The following PLA2G4F variants were observed in gnomAD, a reference collection of about 807,000 sequenced individuals.
PLA2G4F encodes the protein phospholipase A2 group IVF, also known as cytosolic phospholipase A2 zeta.
In PLA2G4F, 105 loss-of-function variants were observed where a neutral mutation model predicts 103.1. That is an observed-to-expected ratio of 1.02 (90% CI 0.87 to 1.20). The LOEUF is 1.20. Among genes scored for constraint, PLA2G4F ranks in the 50% most tolerant of loss-of-function variants. The pLI, the probability that PLA2G4F is intolerant of heterozygous loss-of-function variation, is 0.00. For missense variants in PLA2G4F, 1,155 were observed against 1,075.9 expected, an observed-to-expected ratio of 1.07 and a Z score of -1.03; for synonymous variants, 468 against 441.1, an observed-to-expected ratio of 1.06 and a Z score of -0.76.
Position 42,150,647 on chromosome 15 carries a change from C to T in PLA2G4F, c.732G>A (p.Arg244=). The T allele has an allele frequency of 6.2e-7, 1 of 1,613,344 alleles. No homozygotes were observed. Among genetic ancestry groups the T allele is most frequent in the Non-Finnish European group, 8.5e-7 (1 of 1,179,676 alleles). ...GCAGCTCCATCAGCTCCACGTGTAG[C>T]CTGGAGCTCAGCACTGGGTTCACGT... ...TFHVNPVLSS[R]LHVELMELLA... Residue 244 remains arginine (R), a synonymous_variant, in exon 8 of 20, where the codon AGG becomes AGA. Coordinates refer to ENST00000397272, the MANE Select transcript of PLA2G4F (RefSeq NM_213600.4).
Position 42,143,971 on chromosome 15 carries a change from A to G in PLA2G4F, c.2142+7T>C, listed in dbSNP as rs1159019490. On this transcript the variant is annotated splice_region_variant and intron_variant, in intron 18 of 19. Coordinates refer to ENST00000397272, the MANE Select transcript of PLA2G4F (RefSeq NM_213600.4). ...GGTGCTCCCCACATCCCTGCCTCCCAGCTCACCTCAAAAGGGGCTTCCAAG... is the reference window on the plus strand; with the variant it reads ...GGTGCTCCCCACATCCCTGCCTCCCGGCTCACCTCAAAAGGGGCTTCCAAG... 2 of 1,591,838 alleles carry G rather than the reference A, an allele frequency of 1.3e-6. No individual in the cohort carries two copies. Among genetic ancestry groups the G allele is most frequent in the African/African-American group, 1.3e-5 (1 of 74,366 alleles).
rs546979929 is a variant in PLA2G4F, at chr15:42,141,534, G to C, written c.*450C>G. 5.5e-5 allele frequency: 25 copies of C among 452,356 alleles called. No individual in the cohort carries two copies. Among genetic ancestry groups the C allele is most frequent in the Non-Finnish European group, 1.0e-4 (23 of 225,554 alleles). The allele number at this position is 452,356 out of a possible 1,614,324, so 28.0% of individuals were successfully genotyped here. ...TCGAGGTGGGGTTGGGGCTTGGGCC[G>C]CTCTGCAGGAAGTGTGGATGGATGC... On this transcript the variant is annotated 3_prime_UTR_variant, in exon 20 of 20. Transcript: ENST00000397272.
At chr15:42,155,684 G>T in intron 1 of PLA2G4F, 95 bp from the exon 2 acceptor site, 3 of 1,268,414 alleles carry the variant, frequency 2.4e-6, no homozygotes, top group Non-Finnish European at 3.4e-6. Flanking sequence ...CAGCAACCTG[G>T]CATAGGGTCA....
At chr15:42,153,427 C>T in intron 5 of PLA2G4F, 85 bp from the exon 6 acceptor site, 2 of 1,546,414 alleles carry the variant, frequency 1.3e-6, no homozygotes, top group East Asian at 2.3e-5. Context: ...AAGCAGCGGG[C>T]AGAGCATGAG....
rs760192385 is a variant in PLA2G4F, at chr15:42,153,302, C to T, written c.532G>A (p.Val178Met). ...CCAAGCTTGCCTTCCCCACTCACCA[C>T]CAGAACCCCGTTGGTGATGACTTCA... ...ASEVITNGVLVAHPCLRIQGT... is the reference protein window; with the variant it reads ...ASEVITNGVLMAHPCLRIQGT... Residue 178 changes from valine (V) to methionine (M), a missense_variant and splice_region_variant, in exon 6 of 20, where the codon GTG (valine) becomes ATG (methionine). This residue lies in a region of PLA2G4F where 370 missense variants were observed against 364.9 expected (regional missense o/e 1.01). Transcript: ENST00000397272. 3 of 1,614,036 alleles carry T rather than the reference C, an allele frequency of 1.9e-6. No individual in the cohort carries two copies. The highest frequency in any genetic ancestry group is 1.3e-5 in the African/African-American group (1 of 74,940).
chr15:42,155,151 TCA>T (rs1341596937), intron 2 of PLA2G4F, among the ~76,000 whole-genome samples: 1 of 151,730 alleles, frequency 6.6e-6, no homozygotes, highest in African/African-American at 2.4e-5. Flanking sequence ...ACACTTCCAC[TCA>T]CACTTGCACT....
chr15:42,141,939 G>T lies in PLA2G4F; in HGVS notation c.*45C>A. 1 of 1,548,090 alleles carries T rather than the reference G, an allele frequency of 6.5e-7. No individual in the cohort carries two copies. ...CTCCCTCTACAAGCCCTGACCATGA[G>T]CAGTGTGTCTCCTCTCTGTCACAGT... On this transcript the variant is annotated 3_prime_UTR_variant, in exon 20 of 20. Coordinates refer to ENST00000397272, the MANE Select transcript of PLA2G4F (RefSeq NM_213600.4).
chr15:42,149,699 C>A lies in PLA2G4F; in HGVS notation c.1059+14G>T, dbSNP rs2048932869. 1 of 1,613,920 alleles carries A rather than the reference C, an allele frequency of 6.2e-7. No individual in the cohort carries two copies. The highest frequency in any genetic ancestry group is 8.5e-7 in the Non-Finnish European group (1 of 1,179,966). ...CTAGAGGCTCTGGGGTCCAGCTCCT[C>A]CTCCATTACGTACCTGGCCACTGTC... On this transcript the variant is annotated intron_variant, in intron 11 of 19. Transcript: ENST00000397272.
intron 7 of PLA2G4F, 78 bp downstream of exon 7, chr15:42,152,610 C>T (rs2048971993): frequency 1.4e-6 from 2 of 1,455,420 alleles, no homozygotes; most frequent in South Asian, 1.2e-5. Flanking sequence ...CTTCCTGCCC[C>T]AGACCCACCT....
At chr15:42,151,540 G>C (rs1021324970) in intron 7 of PLA2G4F, 2 of 985,258 alleles carry the variant, frequency 2.0e-6, no homozygotes, top group Non-Finnish European at 2.4e-6. Flanking sequence ...GGAAGCAACA[G>C]AGACCCAAAG....
chr15:42,145,292 T>C (rs532973568), intron 16 of PLA2G4F, among the ~76,000 whole-genome samples: 12 of 152,286 alleles, frequency 7.9e-5, no homozygotes, highest in Admixed American at 4.6e-4. Context: ...ATGAGCCATT[T>C]AAGGACCAGG....
At chr15:42,155,450 C>G in intron 2 of PLA2G4F, 67 bp downstream of exon 2, 3 of 1,533,312 alleles carry the variant, frequency 2.0e-6, no homozygotes, top group South Asian at 1.1e-5. Flanking sequence ...TGTTAGCCAG[C>G]CTGAGCTGAG....
chr15:42,143,876 A>C, intron 18 of PLA2G4F, 102 bp downstream of exon 18: 1 of 1,415,112 alleles, frequency 7.1e-7, no homozygotes, highest in Non-Finnish European at 9.5e-7. Flanking sequence ...CCACACACCC[A>C]GCCAGTCCCC....
At chr15:42,148,515 C>T in intron 11 of PLA2G4F, 1 of 754,150 alleles carries the variant, frequency 1.3e-6, no homozygotes, top group Non-Finnish European at 1.6e-6. Context: ...AGTCAGCAGC[C>T]TCCCTCCACC....
At chr15:42,155,714 G>A (rs2049008934) in intron 1 of PLA2G4F, 125 bp from the exon 2 acceptor site, 2 of 917,154 alleles carry the variant, frequency 2.2e-6, no homozygotes, top group East Asian at 5.3e-5. Flanking sequence ...CTGTGCCGGG[G>A]AGCAGGGAGA....
chr15:42,152,788 G>T, intron 6 of PLA2G4F, 34 bp from the exon 7 acceptor site: 2 of 1,544,672 alleles, frequency 1.3e-6, no homozygotes, highest in Non-Finnish European at 8.8e-7. Context: ...GAGCCAGACA[G>T]CCCACGGCCC....
chr15:42,149,441 C>A (rs1270068197), intron 11 of PLA2G4F: 1 of 955,536 alleles, frequency 1.0e-6, no homozygotes, highest in Non-Finnish European at 1.2e-6. Flanking sequence ...TCTCGGACTT[C>A]CAGCCCCTAG....
intron 4 of PLA2G4F, 71 bp downstream of exon 4, chr15:42,154,021 C>T: frequency 6.2e-7 from 1 of 1,601,998 alleles, no homozygotes; most frequent in Non-Finnish European, 8.5e-7. Flanking sequence ...GACCAGAGCC[C>T]CCTCTTTGGT....
chr15:42,154,315 C>A lies in PLA2G4F; in HGVS notation c.321+7G>T, dbSNP rs761807184. On this transcript the variant is annotated splice_region_variant and intron_variant, in intron 3 of 19. Coordinates refer to ENST00000397272, the MANE Select transcript of PLA2G4F (RefSeq NM_213600.4). ...CTCCCGCAGCCTGGCCCCTGGCTGGCCCTCACCTTCACAGCACCATGGATC... is the reference window on the plus strand; with the variant it reads ...CTCCCGCAGCCTGGCCCCTGGCTGGACCTCACCTTCACAGCACCATGGATC... 9.3e-6 allele frequency: 15 copies of A among 1,608,158 alleles called. No individual in the cohort carries two copies. The East Asian group carries it at 2.7e-4, about 29-fold the overall frequency.
Sources: gnomAD v4.1 joint callset for allele counts (sites outside exome capture counted in the v4.1 genomes callset) on GRCh38, gnomAD v4.1.1 for gene constraint, gnomAD v4.1.1 regional missense constraint, MANE v1.5 for transcripts, NCBI Gene and HGNC (gene_info 2026-07-23, HGNC 2026-07-21) for gene names.